The following DNER variants were observed in gnomAD, a reference collection of about 807,000 sequenced individuals.
DNER encodes delta/notch like EGF repeat containing.
Under a neutral mutation model 78.2 loss-of-function variants are expected in DNER, and 33 were observed. The observed-to-expected ratio is 0.42, with a 90% confidence interval of 0.32 to 0.56. The LOEUF is 0.56. Among genes scored for constraint, DNER ranks in the 20% least tolerant of loss-of-function variants. The pLI, the probability that DNER is intolerant of heterozygous loss-of-function variation, is 0.11. For synonymous variants in DNER, 417 were observed against 384.8 expected, an observed-to-expected ratio of 1.08 and a Z score of -0.98; for missense variants, 918 against 975.3, an observed-to-expected ratio of 0.94 and a Z score of 0.78.
At chr2:229,570,451 A>G (rs1053460997) in intron 4 of DNER, among the ~76,000 whole-genome samples, 1 of 152,144 alleles carries the variant, frequency 6.6e-6, no homozygotes, top group Admixed American at 6.5e-5. Context: ...ACATGGTGAA[A>G]CCCCGTCTCT....
At chr2:229,652,988 C>G (rs907555068) in intron 1 of DNER, among the ~76,000 whole-genome samples, 1 of 152,096 alleles carries the variant, frequency 6.6e-6, no homozygotes, top group Non-Finnish European at 1.5e-5. Flanking sequence ...TTTCTTCTCC[C>G]CGGAATTTGC....
intron 8 of DNER, among the ~76,000 whole-genome samples, chr2:229,431,372 C>T (rs1257414449): frequency 6.6e-6 from 1 of 152,088 alleles, no homozygotes; most frequent in Non-Finnish European, 1.5e-5. Context: ...TTAAACTTGT[C>T]CATCATCTGG....
intron 5 of DNER, among the ~76,000 whole-genome samples, chr2:229,540,439 G>T (rs1042339651): frequency 6.6e-6 from 1 of 152,158 alleles, no homozygotes; most frequent in Non-Finnish European, 1.5e-5. Flanking sequence ...ATAATTTACA[G>T]GGAGCCCTAA....
Position 229,587,280 on chromosome 2 carries a change from G to C in DNER, c.680+1114C>G, listed in dbSNP as rs549862553. ...GCAGTGAAAGAAACGCTTAGGACCG[G>C]GGTCCCCCTGCTGGTAGAGCTCGAA... is the stretch of plus-strand genomic sequence containing the variant. On this transcript the variant is annotated intron_variant, in intron 3 of 12. Coordinates refer to ENST00000341772, the MANE Select transcript of DNER (RefSeq NM_139072.4). 3 of 152,512 alleles carry C rather than the reference G, an allele frequency of 2.0e-5. No individual in the cohort carries two copies. In the South Asian group the frequency reaches 6.2e-4, roughly 32 times the overall value. The allele number at this position is 152,512 out of a possible 1,614,324, so 9.4% of individuals were successfully genotyped here.
intron 1 of DNER, among the ~76,000 whole-genome samples, chr2:229,630,625 C>T (rs1698418703): frequency 6.6e-6 from 1 of 151,926 alleles, no homozygotes; most frequent in African/African-American, 2.4e-5. Context: ...GACAGCATCT[C>T]ATTTTCTTTT....
intron 1 of DNER, among the ~76,000 whole-genome samples, chr2:229,607,326 C>T (rs1212196961): frequency 6.6e-6 from 1 of 152,138 alleles, no homozygotes; most frequent in Non-Finnish European, 1.5e-5. Context: ...TGGTTCTCGT[C>T]GTGCTCCCTA....
intron 1 of DNER, among the ~76,000 whole-genome samples, chr2:229,615,448 G>T (rs1282897959): frequency 1.3e-5 from 2 of 149,678 alleles, no homozygotes; most frequent in Non-Finnish European, 3.0e-5. Flanking sequence ...GGTGGTTCAC[G>T]CCTGTAATCC....
chr2:229,501,378 T>C (rs1695618723), intron 6 of DNER, among the ~76,000 whole-genome samples: 1 of 151,724 alleles, frequency 6.6e-6, no homozygotes, highest in African/African-American at 2.4e-5. Flanking sequence ...GTTTATCACT[T>C]AACCAACTCA....
chr2:229,687,358 G>A (rs965894587), intron 1 of DNER, among the ~76,000 whole-genome samples: 3 of 151,158 alleles, frequency 2.0e-5, no homozygotes, highest in Non-Finnish European at 2.9e-5. Flanking sequence ...CCACCTCCAG[G>A]GTTCAAGCAA....
chr2:229,677,653 T>C (rs1300424437), intron 1 of DNER, among the ~76,000 whole-genome samples: 1 of 152,252 alleles, frequency 6.6e-6, no homozygotes, highest in African/African-American at 2.4e-5. Flanking sequence ...ACATTGGTTG[T>C]AATATTCAAA....
At chr2:229,713,867 C>T (rs886148956) in intron 1 of DNER, among the ~76,000 whole-genome samples, 20 of 152,138 alleles carry the variant, frequency 1.3e-4, no homozygotes, top group African/African-American at 4.6e-4. Flanking sequence ...ACTCAGTGGC[C>T]AACCGGAGCG....
chr2:229,714,341 G>A lies in DNER; in HGVS notation c.83C>T (p.Pro28Leu), dbSNP rs967715164. The change falls in exon 1 of 13, where the codon CCC becomes CTC. Residue 28 changes from proline (P) to leucine (L), a missense_variant. By Grantham distance (98) the Pro-to-Leu change is moderately conservative. Coordinates refer to ENST00000341772, the MANE Select transcript of DNER (RefSeq NM_139072.4). ...ALLLLLLGAG[P>L]RGSSLANPVP... is the part of the protein sequence containing the mutation. ...CGGGTTGGCCAGGGAGCTGCCTCGGGGCCCCGCTCCGAGCAGCAGCAGCAG... is the reference window on the plus strand; with the variant it reads ...CGGGTTGGCCAGGGAGCTGCCTCGGAGCCCCGCTCCGAGCAGCAGCAGCAG... 6.4e-6 allele frequency: 8 copies of A among 1,251,476 alleles called. No individual in the cohort carries two copies. The African/African-American group carries it at 9.4e-5, about 15-fold the overall frequency. 77.5% of individuals were successfully genotyped at this position (1,251,476 alleles called of 1,614,324 possible).
intron 10 of DNER, among the ~76,000 whole-genome samples, chr2:229,399,669 G>A (rs1693226807): frequency 6.6e-6 from 1 of 151,976 alleles, no homozygotes; most frequent in South Asian, 2.1e-4. Context: ...CATAATAAAG[G>A]TAGAGGAATA....
chr2:229,424,809 G>A (rs1693839213), intron 8 of DNER, among the ~76,000 whole-genome samples: 2 of 152,088 alleles, frequency 1.3e-5, no homozygotes, highest in South Asian at 4.1e-4. Flanking sequence ...TTGGTATTTT[G>A]GACCAGATCA....
intron 1 of DNER, among the ~76,000 whole-genome samples, chr2:229,667,272 A>T (rs554354308): frequency 1.3e-5 from 2 of 152,220 alleles, no homozygotes; most frequent in East Asian, 3.9e-4. Context: ...TGGGGTAACT[A>T]ATGGGTTGAA....
At chr2:229,545,889 G>A (rs1696618359) in intron 5 of DNER, among the ~76,000 whole-genome samples, 1 of 152,170 alleles carries the variant, frequency 6.6e-6, no homozygotes, top group Admixed American at 6.5e-5. Flanking sequence ...TATTATCATA[G>A]CCAGGGAAAT....
At chr2:229,443,961 A>G (rs1307766306) in intron 8 of DNER, among the ~76,000 whole-genome samples, 2 of 152,220 alleles carry the variant, frequency 1.3e-5, no homozygotes, top group African/African-American at 4.8e-5. Flanking sequence ...CTCTGAAGGC[A>G]GTTTCAGCTC....
chr2:229,514,033 G>A (rs1410835420), intron 5 of DNER, among the ~76,000 whole-genome samples: 1 of 151,962 alleles, frequency 6.6e-6, no homozygotes, highest in Admixed American at 6.6e-5. Flanking sequence ...AGAGAAAAGG[G>A]TTATCCATTC....
At chr2:229,659,549 T>C (rs1026047379) in intron 1 of DNER, among the ~76,000 whole-genome samples, 6 of 152,114 alleles carry the variant, frequency 3.9e-5, no homozygotes, top group Admixed American at 6.6e-5. Context: ...TTAGCCTCCA[T>C]TTTGCTACCT....
Sources: allele counts gnomAD v4.1 joint callset (sites outside exome capture counted in the v4.1 genomes callset), GRCh38; gene constraint gnomAD v4.1.1; transcripts MANE v1.5; gene names NCBI Gene and HGNC (gene_info 2026-07-23, HGNC 2026-07-21).